The following IGFL2 variants were observed in gnomAD, a reference collection of about 807,000 sequenced individuals.
IGFL2 encodes the protein insulin growth factor-like family member 2.
In IGFL2, 7 loss-of-function variants were observed where a neutral mutation model predicts 13.9. The ratio of observed to expected loss-of-function variants is 0.51; its 90% CI spans 0.29 to 0.95. IGFL2 has a LOEUF of 0.95. Among genes scored for constraint, IGFL2 ranks in the 40% least tolerant of loss-of-function variants. The pLI, the probability that IGFL2 is intolerant of heterozygous loss-of-function variation, is 0.08. For missense variants in IGFL2, 138 were observed against 147.8 expected, an observed-to-expected ratio of 0.93 and a Z score of 0.34; for synonymous variants, 55 against 55.8, an observed-to-expected ratio of 0.99 and a Z score of 0.07.
At chr19:46,195,808 C>T in the IGFL2 span, 6 of 152,254 alleles carry the variant, frequency 3.9e-5, no homozygotes, top group Admixed American at 6.5e-5. Flanking sequence ...ACACCTCTTC[C>T]GCTGTCCTGG....
At chr19:46,148,996 G>A (rs1037465809) in intron 1 of IGFL2, 2 of 1,603,160 alleles carry the variant, frequency 1.2e-6, no homozygotes, top group Non-Finnish European at 1.7e-6. Context: ...ATGAGGTTCA[G>A]TGTCTCAGGC....
the IGFL2 span, among the ~76,000 whole-genome samples, chr19:46,106,531 A>T: frequency 6.6e-6 from 1 of 152,184 alleles, no homozygotes; most frequent in Non-Finnish European, 1.5e-5. Context: ...TAAAGAAAGC[A>T]TGTTTCAGAT....
chr19:46,126,466 C>A, the IGFL2 span, among the ~76,000 whole-genome samples: 1 of 152,206 alleles, frequency 6.6e-6, no homozygotes, highest in African/African-American at 2.4e-5. Context: ...TTTGACAACT[C>A]CTTCTGCCTT....
chr19:46,155,225 T>C (rs1263468248), intron 1 of IGFL2, among the ~76,000 whole-genome samples: 5 of 152,114 alleles, frequency 3.3e-5, no homozygotes, highest in African/African-American at 1.2e-4. Context: ...CTAACTAATA[T>C]AGCACATCCG....
At chr19:46,172,114 C>T in the IGFL2 span, among the ~76,000 whole-genome samples, 34 of 152,252 alleles carry the variant, frequency 2.2e-4, no homozygotes, top group East Asian at 4.4e-3. Flanking sequence ...TCCAGAGATA[C>T]GGACTTTGGA....
upstream of IGFL2, among the ~76,000 whole-genome samples, chr19:46,143,734 A>G (rs796762105): frequency 2.6e-5 from 4 of 152,186 alleles, no homozygotes; most frequent in South Asian, 6.2e-4. Context: ...GCCAGGCACT[A>G]TAGATATTGT....
chr19:46,177,636 C>T, the IGFL2 span, among the ~76,000 whole-genome samples: 1 of 152,116 alleles, frequency 6.6e-6, no homozygotes, highest in Non-Finnish European at 1.5e-5. Flanking sequence ...GGGACCCTTC[C>T]AAATCCCTTT....
At chr19:46,103,665 T>C in the IGFL2 span, among the ~76,000 whole-genome samples, 1 of 152,136 alleles carries the variant, frequency 6.6e-6, no homozygotes, top group African/African-American at 2.4e-5. Flanking sequence ...GGAATATGAC[T>C]AGACAGAAGA....
At chr19:46,083,458 C>A in the IGFL2 span, among the ~76,000 whole-genome samples, 1 of 151,964 alleles carries the variant, frequency 6.6e-6, no homozygotes, top group African/African-American at 2.4e-5. Flanking sequence ...AATATGTATG[C>A]AAATGTGTAG....
At chr19:46,179,114 TG>T in the IGFL2 span, among the ~76,000 whole-genome samples, 47 of 144,772 alleles carry the variant, frequency 3.2e-4, 1 homozygote, top group South Asian at 4.4e-3. Context: ...GGTTGTGGGG[TG>T]GGGGGTCTGT....
At chr19:46,186,352 G>T in the IGFL2 span, among the ~76,000 whole-genome samples, 3 of 152,170 alleles carry the variant, frequency 2.0e-5, no homozygotes, top group African/African-American at 7.2e-5. Flanking sequence ...TTTCTCTGGC[G>T]CTCCGGAGAA....
At chr19:46,085,551 T>A in the IGFL2 span, among the ~76,000 whole-genome samples, 1 of 152,130 alleles carries the variant, frequency 6.6e-6, no homozygotes, top group Non-Finnish European at 1.5e-5. Flanking sequence ...GAATACAGTA[T>A]ACAGTTGGGT....
At chr19:46,136,960 G>T in the IGFL2 span, 1 of 1,370,780 alleles carries the variant, frequency 7.3e-7, no homozygotes, top group Non-Finnish European at 1.0e-6. Context: ...GCTGCTACCT[G>T]CTGTATATCT....
downstream of IGFL2, among the ~76,000 whole-genome samples, chr19:46,162,809 T>A (rs1183578703): frequency 6.6e-6 from 1 of 152,244 alleles, no homozygotes; most frequent in Non-Finnish European, 1.5e-5. Context: ...TTCAGCTAGT[T>A]CAGCATGGTT....
intron 1 of IGFL2, among the ~76,000 whole-genome samples, chr19:46,151,361 C>G (rs1460607778): frequency 6.6e-6 from 1 of 152,072 alleles, no homozygotes. Context: ...ATCATTTGTT[C>G]CCTTACTTCA....
At chr19:46,180,607 G>A in the IGFL2 span, 3 of 152,252 alleles carry the variant, frequency 2.0e-5, no homozygotes, top group Non-Finnish European at 4.4e-5. Context: ...TGACTCACAT[G>A]ACTGTAAGGT....
upstream of IGFL2, among the ~76,000 whole-genome samples, chr19:46,144,759 C>A (rs1391264515): frequency 6.6e-6 from 1 of 152,126 alleles, no homozygotes; most frequent in Non-Finnish European, 1.5e-5. Flanking sequence ...TAGTCACGAT[C>A]AAAATCAGGT....
intron 1 of IGFL2, among the ~76,000 whole-genome samples, chr19:46,156,986 G>A (rs1973860583): frequency 6.6e-6 from 1 of 151,984 alleles, no homozygotes; most frequent in South Asian, 2.1e-4. Flanking sequence ...GAATAATAGT[G>A]GAAAACTAGG....
the IGFL2 span, among the ~76,000 whole-genome samples, chr19:46,085,250 C>T: frequency 6.6e-5 from 10 of 151,994 alleles, no homozygotes; most frequent in African/African-American, 2.2e-4. Context: ...ACAAAAAACA[C>T]CAAAAGAAAA....
Sources: gnomAD v4.1 joint callset for allele counts (sites outside exome capture counted in the v4.1 genomes callset) on GRCh38, gnomAD v4.1.1 for gene constraint, MANE v1.5 for transcripts, NCBI Gene and HGNC (gene_info 2026-07-23, HGNC 2026-07-21) for gene names.